Variants in DAAM1 observed in about 807,000 individuals in gnomAD.
DAAM1 encodes the protein disheveled-associated activator of morphogenesis 1.
A neutral mutation model predicts 130.0 loss-of-function variants in DAAM1; 52 were observed. The ratio of observed to expected loss-of-function variants is 0.40; its 90% CI spans 0.32 to 0.50. The LOEUF is 0.50. DAAM1 is among the 20% of genes least tolerant of loss of function. DAAM1 has a pLI of 0.61. For synonymous variants in DAAM1, 452 were observed against 444.5 expected, an observed-to-expected ratio of 1.02 and a Z score of -0.21; for missense variants, 1,134 against 1,303.8, an observed-to-expected ratio of 0.87 and a Z score of 2.01.
chr14:59,294,334 C>G (rs939742892), intron 3 of DAAM1, among the ~76,000 whole-genome samples: 4 of 152,216 alleles, frequency 2.6e-5, no homozygotes, highest in African/African-American at 4.8e-5. Flanking sequence ...TATGAAACTT[C>G]TCTATCTATA....
At chr14:59,367,157 T>G (rs10140514) in intron 23 of DAAM1, among the ~76,000 whole-genome samples, 80 of 151,958 alleles carry the variant, frequency 5.3e-4, no homozygotes, top group Non-Finnish European at 9.9e-4. Flanking sequence ...GCATGGTGGT[T>G]TGTGCCTGTA....
intron 1 of DAAM1, among the ~76,000 whole-genome samples, chr14:59,192,870 G>A (rs1189433485): frequency 3.3e-5 from 5 of 152,306 alleles, no homozygotes; most frequent in South Asian, 2.1e-4. Context: ...TGGCTAACAC[G>A]GGGAAACCCC....
intron 1 of DAAM1, among the ~76,000 whole-genome samples, chr14:59,259,721 G>A (rs1253010): frequency 0.13 from 20,264 of 152,200 alleles, 1,581 homozygotes; most frequent in Middle Eastern, 0.19. Context: ...GTACATCAGC[G>A]CTGCTGCTGC....
chr14:59,340,752 A>G (rs992199972), intron 16 of DAAM1, among the ~76,000 whole-genome samples: 2 of 152,242 alleles, frequency 1.3e-5, no homozygotes, highest in Non-Finnish European at 2.9e-5. Context: ...GAAAAGAAGA[A>G]AGGAAATTTG....
intron 2 of DAAM1, among the ~76,000 whole-genome samples, chr14:59,289,478 C>T (rs1883622237): frequency 6.6e-6 from 1 of 152,054 alleles, no homozygotes; most frequent in Admixed American, 6.6e-5. Flanking sequence ...CAAAGAACAA[C>T]AGATGCTAGT....
Position 59,324,184 on chromosome 14 carries a change from C to A in DAAM1, c.831C>A (p.Leu277=). Residue 277 remains leucine, a synonymous_variant, in exon 7 of 25, where the codon CTC becomes CTA. Coordinates refer to ENST00000360909, the MANE Select transcript of DAAM1 (RefSeq NM_001270520.2). ...GGCGGTATCGAGATGAAGTGAGTCT[C>A]AAGACTGCCATCATGTCCTTCATTA... ...STGRYRDEVS[L]KTAIMSFINA... is the part of the protein sequence containing the mutation. The A allele has an allele frequency of 1.4e-6, 2 of 1,464,120 alleles. No homozygotes were observed. Among genetic ancestry groups the A allele is most frequent in the Non-Finnish European group, 1.8e-6 (2 of 1,099,656 alleles). 90.7% of individuals were successfully genotyped at this position (1,464,120 alleles called of 1,614,324 possible).
chr14:59,268,220 A>G (rs2139516171), intron 2 of DAAM1, among the ~76,000 whole-genome samples: 1 of 152,160 alleles, frequency 6.6e-6, no homozygotes, highest in African/African-American at 2.4e-5. Context: ...TTTTTTATCC[A>G]TTCATCATTT....
At chr14:59,289,992 G>GT in intron 2 of DAAM1, among the ~76,000 whole-genome samples, 1 of 152,098 alleles carries the variant, frequency 6.6e-6, no homozygotes, top group Non-Finnish European at 1.5e-5. Flanking sequence ...AGGGAAGGTG[G>GT]TGGGGGTGTT....
chr14:59,368,128 A>G (rs1208383567), intron 24 of DAAM1, among the ~76,000 whole-genome samples: 2 of 152,168 alleles, frequency 1.3e-5, no homozygotes, highest in Non-Finnish European at 2.9e-5. Context: ...CAGTAGTAGA[A>G]TTAAAGATGT....
At chr14:59,358,995 G>A (rs2139680365) in intron 20 of DAAM1, among the ~76,000 whole-genome samples, 1 of 152,198 alleles carries the variant, frequency 6.6e-6, no homozygotes, top group South Asian at 2.1e-4. Context: ...AACCTGCAGG[G>A]CACACCCCAT....
chr14:59,261,016 T>G (rs1350969189), intron 1 of DAAM1, among the ~76,000 whole-genome samples: 2 of 152,106 alleles, frequency 1.3e-5, no homozygotes, highest in African/African-American at 4.8e-5. Flanking sequence ...GAAAGCCAAT[T>G]TAGAATGGTA....
At chr14:59,241,586 A>T (rs774233887) in intron 1 of DAAM1, among the ~76,000 whole-genome samples, 1 of 152,224 alleles carries the variant, frequency 6.6e-6, no homozygotes, top group African/African-American at 2.4e-5. Flanking sequence ...TTTCTTCTGC[A>T]TGAGGAACTT....
chr14:59,325,920 A>G (rs904223328), intron 9 of DAAM1, 40 bp from the exon 10 acceptor site: 2 of 1,585,320 alleles, frequency 1.3e-6, no homozygotes, highest in Non-Finnish European at 1.7e-6. Context: ...AAACTGAGGA[A>G]CTTAGATGTT....
At chr14:59,348,641 C>T (rs767382249) in intron 17 of DAAM1, among the ~76,000 whole-genome samples, 1 of 152,210 alleles carries the variant, frequency 6.6e-6, no homozygotes, top group Non-Finnish European at 1.5e-5. Flanking sequence ...CTCCAGGTTG[C>T]ATCTGTAGGT....
intron 15 of DAAM1, among the ~76,000 whole-genome samples, chr14:59,339,641 T>C (rs1024866620): frequency 7.2e-5 from 11 of 152,170 alleles, no homozygotes; most frequent in African/African-American, 7.2e-5. Context: ...TTTTGAGTGC[T>C]CACAATGCAG....
chr14:59,338,234 C>G, intron 15 of DAAM1: 1 of 712,034 alleles, frequency 1.4e-6, no homozygotes, highest in East Asian at 2.7e-5. Context: ...TCATCTTCAT[C>G]AACTCTCATT....
rs561653959 is a variant in DAAM1, at chr14:59,368,632, ATTTC to A, written c.2998-12_2998-9del. On this transcript the variant is annotated splice_polypyrimidine_tract_variant and intron_variant, in intron 24 of 24. Transcript: ENST00000360909. ...CATTTTGACATGTCTCAAAGAGGTT[ATTTC>A]TTTCTATTTGCAGCTCAAAGAACAA... The A allele has an allele frequency of 1.4e-4, 226 of 1,605,634 alleles. 1 individual carries two copies. The South Asian group carries it at 2.1e-3, about 15-fold the overall frequency.
At chr14:59,254,823 T>A (rs1438904254) in intron 1 of DAAM1, among the ~76,000 whole-genome samples, 1 of 152,202 alleles carries the variant, frequency 6.6e-6, no homozygotes, top group East Asian at 1.9e-4. Flanking sequence ...CTTTTTAGGA[T>A]CAAAACTTGG....
intron 19 of DAAM1, among the ~76,000 whole-genome samples, chr14:59,354,261 C>G (rs923204355): frequency 3.3e-5 from 5 of 152,154 alleles, no homozygotes; most frequent in African/African-American, 4.8e-5. Context: ...GGGGTTTCAC[C>G]ACGTTAGCCA....
Sources: gnomAD v4.1 joint callset for allele counts (sites outside exome capture counted in the v4.1 genomes callset) on GRCh38, gnomAD v4.1.1 for gene constraint, MANE v1.5 for transcripts, NCBI Gene and HGNC (gene_info 2026-07-23, HGNC 2026-07-21) for gene names.